GLYAT: variants seen among roughly 807,000 people sequenced by gnomAD.
GLYAT encodes the protein glycine N-acyltransferase.
GLYAT carries 25 observed loss-of-function variants against 22.8 expected under a neutral mutation model. That is an observed-to-expected ratio of 1.09 (90% CI 0.80 to 1.53). GLYAT has a LOEUF of 1.53. GLYAT is among the 40% of genes most tolerant of loss of function. The probability of loss-of-function intolerance (pLI) is 0.00; values close to 1 mark genes in which losing one functional copy is unlikely to be tolerated. For synonymous variants in GLYAT, 140 were observed against 122.7 expected (o/e 1.14, Z -0.93); for missense variants, 411 against 353.9 (o/e 1.16, Z -1.29).
In GLYAT at chr11:58,710,180, C is replaced by A. The variant is rs1447869850; in HGVS notation, c.489-12G>T. On this transcript the variant is annotated splice_polypyrimidine_tract_variant and intron_variant, in intron 5 of 5. Transcript: ENST00000344743. ...ACATCTCTTGGTTGCTATGGAGGGT[C>A]CAAGAAGAAAACAAAATCCATTAGT... is the stretch of plus-strand genomic sequence containing the variant. 1.3e-6 allele frequency: 2 copies of A among 1,596,554 alleles called. No homozygotes were observed. The highest frequency in any genetic ancestry group is 1.1e-5 in the South Asian group (1 of 88,632).
chr11:58,717,027 G>C lies in GLYAT; in HGVS notation c.82-1604C>G, dbSNP rs116191803. On this transcript the variant is annotated intron_variant, in intron 2 of 5. Transcript: ENST00000344743. ...GTTTCTGATTAGCCTTTCCAAAGGA[G>C]GCAATCAGATATACATCTTTCTTAG... Among the ~76,000 whole-genome samples the C allele has an allele frequency of 6.6e-3, 1,011 of 152,220 alleles. 11 individuals carry two copies. Among genetic ancestry groups the C allele is most frequent in the African/African-American group, 0.023 (974 of 41,548 alleles).
At chr11:58,724,281 T>G (rs1475754105) in intron 2 of GLYAT, 135 bp downstream of exon 2, 1 of 542,054 alleles carries the variant, frequency 1.8e-6, no homozygotes. Flanking sequence ...TGTAGAGAGG[T>G]AAGGCATACT....
chr11:58,726,326 T>G (rs1248051751), intron 1 of GLYAT, among the ~76,000 whole-genome samples: 1 of 152,094 alleles, frequency 6.6e-6, no homozygotes. Context: ...CTATAACTGC[T>G]TCCTGCTGAC....
In GLYAT at chr11:58,724,452, C is replaced by T. The variant is rs1445800281; in HGVS notation, c.45G>A (p.Glu15=). 1 of 1,608,466 alleles carries T rather than the reference C, an allele frequency of 6.2e-7. No individual in the cohort carries two copies. Among genetic ancestry groups the T allele is most frequent in the East Asian group, 2.2e-5 (1 of 44,770 alleles). Residue 15 remains glutamate, a synonymous_variant, in exon 2 of 6, where the codon GAG becomes GAA. Transcript: ENST00000344743. The part of the protein sequence containing the change: ...LQGAQMLQML[E]KSLRKSLPAS... ...CTGGGAGGCTCTTCCTCAAGGATTT[C>T]TCCAGCATCTGCAGCATCTGGGCAC...
At chr11:58,728,889 A>AGAAAGAAAGAAAGAAAGAAAGAAAGAAG (rs1310407303) in intron 1 of GLYAT, among the ~76,000 whole-genome samples, 8 of 101,306 alleles carry the variant, frequency 7.9e-5, no homozygotes, top group East Asian at 3.3e-4. Context: ...AAAGAAAGAA[A>AGAAAGAAAGAAAGAAAGAAAGAAAGAAG]GAAGGAAGGA....
At chr11:58,713,790 C>T (rs1217080407) in intron 3 of GLYAT, among the ~76,000 whole-genome samples, 1 of 152,004 alleles carries the variant, frequency 6.6e-6, no homozygotes, top group Non-Finnish European at 1.5e-5. Context: ...GCAATGATAC[C>T]ACTGACACAT....
chr11:58,730,377 G>T (rs1270147161), intron 1 of GLYAT, among the ~76,000 whole-genome samples: 2 of 152,158 alleles, frequency 1.3e-5, no homozygotes, highest in Non-Finnish European at 2.9e-5. Context: ...AGAGGCTAAG[G>T]TGGGACGATT....
chr11:58,709,992 A>T lies in GLYAT; in HGVS notation c.665T>A (p.Met222Lys), dbSNP rs376146569. Residue 222 changes from methionine (M) to lysine (K), a missense_variant, in exon 6 of 6, where the codon ATG (methionine) becomes AAG (lysine). By Grantham distance (95) the Met-to-Lys change is moderately conservative. Transcript: ENST00000344743. ...CATTCTCATCTCTCCAGTCTGGTCCATTAGATCCCAGCACACAGGGGTCCC... is the reference window on the plus strand; with the variant it reads ...CATTCTCATCTCTCCAGTCTGGTCCTTTAGATCCCAGCACACAGGGGTCCC... ...PEGTPVCWDLMDQTGEMRMAG... is the reference protein window; with the variant it reads ...PEGTPVCWDLKDQTGEMRMAG... The T allele has an allele frequency of 1.7e-5, 27 of 1,613,996 alleles. No homozygotes were observed. The South Asian group carries it at 2.9e-4, about 17-fold the overall frequency.
chr11:58,719,873 T>C (rs1856727797), intron 2 of GLYAT, among the ~76,000 whole-genome samples: 1 of 152,000 alleles, frequency 6.6e-6, no homozygotes, highest in Non-Finnish European at 1.5e-5. Flanking sequence ...GATAACTTGA[T>C]CATATAAACT....
At chr11:58,711,142 C>T (rs1856612079) in intron 4 of GLYAT, among the ~76,000 whole-genome samples, 1 of 152,244 alleles carries the variant, frequency 6.6e-6, no homozygotes, top group Non-Finnish European at 1.5e-5. Flanking sequence ...AGGCCATAGC[C>T]TGTTCCTCTT....
At chr11:58,722,505 A>G in intron 2 of GLYAT, among the ~76,000 whole-genome samples, 1 of 152,096 alleles carries the variant, frequency 6.6e-6, no homozygotes, top group Non-Finnish European at 1.5e-5. Flanking sequence ...TTTTGAAGCA[A>G]TGGCAGGAAG....
At chr11:58,712,664 G>C in intron 4 of GLYAT, 96 bp downstream of exon 4, 1 of 1,031,242 alleles carries the variant, frequency 9.7e-7, no homozygotes, top group Non-Finnish European at 1.5e-6. Flanking sequence ...ACAGCAGGCT[G>C]GGAGTCTGGA....
At chr11:58,721,107 A>G (rs1590671847) in intron 2 of GLYAT, among the ~76,000 whole-genome samples, 1 of 152,090 alleles carries the variant, frequency 6.6e-6, no homozygotes, top group East Asian at 1.9e-4. Flanking sequence ...TGAATTAGGC[A>G]TGCCAACGGA....
At chr11:58,716,253 A>T (rs755632626) in intron 2 of GLYAT, among the ~76,000 whole-genome samples, 4 of 152,052 alleles carry the variant, frequency 2.6e-5, no homozygotes, top group Non-Finnish European at 4.4e-5. Flanking sequence ...GTCAGCATAG[A>T]TCTCGTGACC....
chr11:58,714,521 G>T (rs1228345643), intron 3 of GLYAT, among the ~76,000 whole-genome samples: 3 of 152,006 alleles, frequency 2.0e-5, no homozygotes, highest in Non-Finnish European at 4.4e-5. Context: ...AGTTGATATG[G>T]TTTGGCTGTG....
chr11:58,727,530 T>C (rs753614603), intron 1 of GLYAT, among the ~76,000 whole-genome samples: 7 of 152,148 alleles, frequency 4.6e-5, no homozygotes, highest in Non-Finnish European at 7.4e-5. Flanking sequence ...TTTAGCCCTA[T>C]CACTCTCACA....
Position 58,709,180 on chromosome 11 carries a change from G to A in GLYAT, c.*586C>T, listed in dbSNP as rs1224060141. Reference sequence around the variant, plus strand: ...CTGGAATAGGAGCTTGGAGAGGATAGGATATCATCAGTTGATATTTCTTCT... The same window carrying A: ...CTGGAATAGGAGCTTGGAGAGGATAAGATATCATCAGTTGATATTTCTTCT... On this transcript the variant is annotated 3_prime_UTR_variant, in exon 6 of 6. Coordinates refer to ENST00000344743, the MANE Select transcript of GLYAT (RefSeq NM_201648.3). 6.6e-6 allele frequency: 1 copy of A among 152,150 alleles called. No individual in the cohort carries two copies. Among genetic ancestry groups the A allele is most frequent in the Non-Finnish European group, 1.5e-5 (1 of 68,036 alleles). The allele number at this position is 152,150 out of a possible 1,614,324, so 9.4% of individuals were successfully genotyped here.
Position 58,710,008 on chromosome 11 carries a change from CAG to C in GLYAT, c.647_648del (p.Pro216ArgfsTer54). 6.2e-7 allele frequency: 1 copy of C among 1,614,130 alleles called. No homozygotes were observed. The highest frequency in any genetic ancestry group is 1.1e-5 in the South Asian group (1 of 91,076). On this transcript the variant is annotated frameshift_variant, in exon 6 of 6. Coordinates refer to ENST00000344743, the MANE Select transcript of GLYAT (RefSeq NM_201648.3). LOFTEE classifies it low-confidence loss of function (END_TRUNC). ...GTCTGGTCCATTAGATCCCAGCACACAGGGGTCCCCTCAGGCCCCAGGAGACA... is the reference window on the plus strand; with the variant it reads ...GTCTGGTCCATTAGATCCCAGCACACGGGTCCCCTCAGGCCCCAGGAGACA... ...TCCLLGPEGT[P>X]VCWDLMDQTG... is the part of the protein sequence containing the mutation.
chr11:58,722,786 A>T (rs1202899804), intron 2 of GLYAT, among the ~76,000 whole-genome samples: 1 of 152,070 alleles, frequency 6.6e-6, no homozygotes, highest in Non-Finnish European at 1.5e-5. Flanking sequence ...TGTAGTGGAC[A>T]TCTTTATGCA....
Sources: gnomAD v4.1 joint callset for allele counts (sites outside exome capture counted in the v4.1 genomes callset) on GRCh38, gnomAD v4.1.1 for gene constraint, MANE v1.5 for transcripts, NCBI Gene and HGNC (gene_info 2026-07-23, HGNC 2026-07-21) for gene names.